MYO5B: variants seen among roughly 807,000 people sequenced by gnomAD.
The protein encoded by MYO5B is unconventional myosin-Vb.
In MYO5B, 143 loss-of-function variants were observed where a neutral mutation model predicts 229.3. That is an observed-to-expected ratio of 0.62 (90% CI 0.54 to 0.72). The LOEUF is 0.72. Ranked by LOEUF, MYO5B falls within the 30% of genes least tolerant of loss-of-function variation. The pLI is 0.00. For missense variants in MYO5B, 2,321 were observed against 2,331.0 expected (o/e 1.00, Z 0.09); for synonymous variants, 918 against 885.2 (o/e 1.04, Z -0.66).
chr18:50,022,755 G>A (rs1001373304), intron 4 of MYO5B, among the ~76,000 whole-genome samples: 3 of 152,174 alleles, frequency 2.0e-5, no homozygotes, highest in African/African-American at 4.8e-5. Context: ...TGCCACAGGG[G>A]ACTGGGAGGG....
chr18:50,140,011 A>C (rs2032393770), intron 1 of MYO5B, among the ~76,000 whole-genome samples: 1 of 144,678 alleles, frequency 6.9e-6, no homozygotes, highest in African/African-American at 2.7e-5. Flanking sequence ...TAAAATTACA[A>C]ACAACCTAGG....
chr18:50,128,590 G>C (rs2032204392), intron 1 of MYO5B, among the ~76,000 whole-genome samples: 1 of 152,182 alleles, frequency 6.6e-6, no homozygotes, highest in Non-Finnish European at 1.5e-5. Context: ...CTCGTGCCTT[G>C]AGAACAGAGG....
At chr18:50,152,631 C>G (rs1371750664) in intron 1 of MYO5B, among the ~76,000 whole-genome samples, 2 of 152,134 alleles carry the variant, frequency 1.3e-5, no homozygotes, top group Non-Finnish European at 2.9e-5. Flanking sequence ...AACATGAGAG[C>G]AGGTAATCAA....
chr18:49,855,964 G>C (rs190412377), intron 30 of MYO5B, among the ~76,000 whole-genome samples: 1 of 152,298 alleles, frequency 6.6e-6, no homozygotes, highest in East Asian at 1.9e-4. Context: ...AAGCAAGCTC[G>C]ATGACTACCA....
intron 2 of MYO5B, among the ~76,000 whole-genome samples, chr18:50,047,510 A>G (rs1257866329): frequency 2.0e-5 from 3 of 152,218 alleles, no homozygotes; most frequent in African/African-American, 7.2e-5. Flanking sequence ...AACTAGTTCA[A>G]CCATTGTGGA....
chr18:49,881,057 G>A (rs1217635), intron 22 of MYO5B, among the ~76,000 whole-genome samples: 91,451 of 152,020 alleles, frequency 0.6, 27,549 homozygotes, highest in Middle Eastern at 0.67. Context: ...GGAGCTAAAA[G>A]CTCAGGGCCC....
chr18:50,140,477 G>T lies in MYO5B; in HGVS notation c.27+54290C>A, dbSNP rs1415141038. Among the ~76,000 whole-genome samples, 3 of 152,146 alleles carry T rather than the reference G, an allele frequency of 2.0e-5. No homozygotes were observed. In the East Asian group the frequency reaches 5.8e-4, roughly 29 times the overall value. On this transcript the variant is annotated intron_variant, in intron 1 of 39. Transcript: ENST00000285039. ...TGGAGATAAACTGTTTCTCACCTGG[G>T]CTAATGGTCCTGAAGTTGGAAGAAT...
intron 1 of MYO5B, among the ~76,000 whole-genome samples, chr18:50,139,614 A>C (rs916820009): frequency 1.3e-5 from 2 of 152,194 alleles, no homozygotes; most frequent in Admixed American, 6.5e-5. Context: ...TTTGCCCAGC[A>C]GAGGACCCAG....
chr18:50,028,435 G>T (rs2026354279), intron 4 of MYO5B, among the ~76,000 whole-genome samples: 1 of 152,112 alleles, frequency 6.6e-6, no homozygotes, highest in Non-Finnish European at 1.5e-5. Context: ...GACATCTCAG[G>T]GTGGCCAGAT....
chr18:49,936,031 G>A (rs987785142), intron 16 of MYO5B, among the ~76,000 whole-genome samples: 3 of 152,180 alleles, frequency 2.0e-5, no homozygotes, highest in East Asian at 3.8e-4. Flanking sequence ...ACCACTATAC[G>A]GGGAACGGCA....
chr18:50,087,533 A>C (rs1343404097), intron 1 of MYO5B, among the ~76,000 whole-genome samples: 1 of 149,948 alleles, frequency 6.7e-6, no homozygotes, highest in African/African-American at 2.5e-5. Context: ...AGATCGTGCC[A>C]CTGCACTCTA....
rs570557372 is a variant in MYO5B, at chr18:50,069,552, T to A, written c.28-14174A>T. On this transcript the variant is annotated intron_variant, in intron 1 of 39. Coordinates refer to ENST00000285039, the MANE Select transcript of MYO5B (RefSeq NM_001080467.3). ...TCTCTCTCACACTCATGTCTGAGCA[T>A]GCTTGTCCCCGTTGCCCTCACTCCT... Among the ~76,000 whole-genome samples the A allele has an allele frequency of 2.6e-5, 4 of 152,324 alleles. No individual in the cohort carries two copies. In the South Asian group the frequency reaches 6.2e-4, roughly 24 times the overall value.
intron 1 of MYO5B, among the ~76,000 whole-genome samples, chr18:50,179,423 C>T (rs1305868666): frequency 1.3e-5 from 2 of 152,168 alleles, no homozygotes; most frequent in Non-Finnish European, 2.9e-5. Context: ...CTGAAGTGGG[C>T]AAAGCTACCT....
chr18:49,907,903 C>T (rs2024917403), intron 18 of MYO5B, among the ~76,000 whole-genome samples: 1 of 152,220 alleles, frequency 6.6e-6, no homozygotes, highest in East Asian at 1.9e-4. Flanking sequence ...GCCTTCAGCT[C>T]ATGCTGAGAG....
intron 1 of MYO5B, among the ~76,000 whole-genome samples, chr18:50,125,874 G>C (rs952801464): frequency 6.6e-6 from 1 of 152,170 alleles, no homozygotes; most frequent in Non-Finnish European, 1.5e-5. Flanking sequence ...GAACCTTCAG[G>C]ATGCTATGCT....
intron 39 of MYO5B, 118 bp from the exon 40 acceptor site, chr18:49,826,741 G>C (rs1480438808): frequency 1.6e-6 from 2 of 1,220,264 alleles, no homozygotes; most frequent in South Asian, 1.2e-5. Context: ...CAATTAGGTA[G>C]AACTTCAGGA....
intron 1 of MYO5B, among the ~76,000 whole-genome samples, chr18:50,146,844 A>T (rs1473699468): frequency 6.6e-6 from 1 of 152,184 alleles, no homozygotes. Context: ...AAATAGCTGG[A>T]AGGATATAGG....
intron 1 of MYO5B, among the ~76,000 whole-genome samples, chr18:50,167,560 G>A (rs2032869661): frequency 6.6e-6 from 1 of 152,078 alleles, no homozygotes; most frequent in African/African-American, 2.4e-5. Flanking sequence ...AAGACAAATT[G>A]CTCTAAAAAT....
At chr18:49,974,798 G>GACACAGACAC (rs2025730759) in intron 9 of MYO5B, among the ~76,000 whole-genome samples, 183 bp from the exon 10 acceptor site, 1 of 130,996 alleles carries the variant, frequency 7.6e-6, no homozygotes, top group African/African-American at 2.8e-5. Context: ...CACACACACA[G>GACACAGACAC]ACACACACAC....
Sources: gnomAD v4.1 joint callset for allele counts (sites outside exome capture counted in the v4.1 genomes callset) on GRCh38, gnomAD v4.1.1 for gene constraint, MANE v1.5 for transcripts, NCBI Gene and HGNC (gene_info 2026-07-23, HGNC 2026-07-21) for gene names.